Variants in RTTN observed in about 807,000 individuals in gnomAD.
RTTN encodes the protein rotatin.
In RTTN, 182 loss-of-function variants were observed where a neutral mutation model predicts 269.2. The ratio of observed to expected loss-of-function variants is 0.68; its 90% CI spans 0.60 to 0.76. The LOEUF (loss-of-function observed/expected upper bound fraction) is 0.76. Among genes scored for constraint, RTTN ranks in the 30% least tolerant of loss-of-function variants. The probability of loss-of-function intolerance (pLI) is 0.00; values close to 1 mark genes in which losing one functional copy is unlikely to be tolerated. For synonymous variants in RTTN, 1,006 were observed against 963.5 expected (o/e 1.04, Z -0.82); for missense variants, 2,545 against 2,608.6 (o/e 0.98, Z 0.53).
At chr18:70,104,050 G>C (rs1229506610) in intron 28 of RTTN, among the ~76,000 whole-genome samples, 1 of 152,110 alleles carries the variant, frequency 6.6e-6, no homozygotes, top group Non-Finnish European at 1.5e-5. Context: ...GCTAGGTTGG[G>C]GAAGTTCTCC....
chr18:70,085,772 A>G (rs1311546064), intron 32 of RTTN, among the ~76,000 whole-genome samples: 1 of 152,178 alleles, frequency 6.6e-6, no homozygotes, highest in Non-Finnish European at 1.5e-5. Context: ...GAGCTAACCA[A>G]TGAATACACA....
intron 47 of RTTN, chr18:70,005,635 T>A (rs2056161465): frequency 6.0e-6 from 1 of 167,780 alleles, no homozygotes; most frequent in African/African-American, 2.4e-5. Flanking sequence ...TAGCAGTTGG[T>A]CAACAAATAT....
At chr18:70,147,498 T>C (rs2060425277) in intron 17 of RTTN, among the ~76,000 whole-genome samples, 1 of 152,122 alleles carries the variant, frequency 6.6e-6, no homozygotes, top group Non-Finnish European at 1.5e-5. Context: ...TAACAAAGCA[T>C]TTCTCAGGAT....
At position 70,073,889 on chromosome 18, in the gene RTTN, G is replaced by A. The variant is rs773903408; in HGVS notation, c.4653+17C>T. ...CAGAGATTCAAAATAAAGGACTTATGCATTCTTTGCAAGTACCGTTGTTTC... is the reference window on the plus strand; with the variant it reads ...CAGAGATTCAAAATAAAGGACTTATACATTCTTTGCAAGTACCGTTGTTTC... On this transcript the variant is annotated intron_variant, in intron 34 of 48. Transcript: ENST00000640769. 6.4e-7 allele frequency: 1 copy of A among 1,571,502 alleles called. No homozygotes were observed. Among genetic ancestry groups the A allele is most frequent in the Non-Finnish European group, 8.8e-7 (1 of 1,142,230 alleles).
At chr18:70,093,333 A>T (rs913823387) in intron 28 of RTTN, among the ~76,000 whole-genome samples, 21 of 151,722 alleles carry the variant, frequency 1.4e-4, no homozygotes, top group South Asian at 2.1e-4. Context: ...TAATATTTTT[A>T]AAAATGTTAT....
intron 23 of RTTN, chr18:70,132,035 C>G (rs570740371): frequency 6.6e-6 from 1 of 151,674 alleles, no homozygotes; most frequent in South Asian, 2.1e-4. Flanking sequence ...CAAATAAAAG[C>G]TGGGGAAGCT....
chr18:70,005,564 C>T (rs1455426277), intron 47 of RTTN: 5 of 249,328 alleles, frequency 2.0e-5, no homozygotes, highest in Non-Finnish European at 2.3e-5. Flanking sequence ...ACTAGTCATC[C>T]TTGGTTTCAG....
At chr18:70,159,675 T>C (rs1354183514) in intron 14 of RTTN, among the ~76,000 whole-genome samples, 1 of 152,018 alleles carries the variant, frequency 6.6e-6, no homozygotes, top group Non-Finnish European at 1.5e-5. Context: ...AAGATTGATA[T>C]ATCATTAGCT....
In RTTN at chr18:70,054,190, A is replaced by C. The variant is rs763536542; in HGVS notation, c.5126T>G (p.Val1709Gly). Residue 1709 changes from valine (V) to glycine (G), a missense_variant, in exon 38 of 49, where the codon GTG becomes GGG. Physicochemically the swap from Val to Gly is moderately radical, Grantham distance 109. Transcript: ENST00000640769. The stretch of plus-strand genomic sequence containing the variant: ...AATGATATTGGTGATAAGAGGTTTC[A>C]CAAGCTCATCCTGAATCACAAGGTC... The part of the protein sequence containing the change: ...EPDLVIQDEL[V>G]KPLITNIIGI... The C allele has an allele frequency of 6.2e-7, 1 of 1,613,876 alleles. No homozygotes were observed. Among genetic ancestry groups the C allele is most frequent in the Non-Finnish European group, 8.5e-7 (1 of 1,179,788 alleles).
intron 8 of RTTN, among the ~76,000 whole-genome samples, chr18:70,191,041 A>G (rs1007633199): frequency 1.3e-5 from 2 of 152,282 alleles, no homozygotes; most frequent in Non-Finnish European, 2.9e-5. Flanking sequence ...TACAAAAAAA[A>G]AAATTCGCTG....
chr18:70,177,508 T>C lies in RTTN; in HGVS notation c.1306-663A>G, dbSNP rs2061331558. 2.0e-5 allele frequency among the ~76,000 whole-genome samples: 3 copies of C among 152,136 alleles called. No homozygotes were observed. The South Asian group carries it at 6.2e-4, about 32-fold the overall frequency. On this transcript the variant is annotated intron_variant, in intron 10 of 48. Coordinates refer to ENST00000640769, the MANE Select transcript of RTTN (RefSeq NM_173630.4). ...TACATTAAATATGAAGAAGAATCTATGCATAGTAGACTGTCTTGTAAGTCA... is the reference window on the plus strand; with the variant it reads ...TACATTAAATATGAAGAAGAATCTACGCATAGTAGACTGTCTTGTAAGTCA...
intron 11 of RTTN, among the ~76,000 whole-genome samples, chr18:70,174,625 A>G (rs1354102207): frequency 6.6e-6 from 1 of 152,006 alleles, no homozygotes; most frequent in Non-Finnish European, 1.5e-5. Context: ...AAATCATAGA[A>G]CATCTTGCTG....
chr18:70,194,390 G>A (rs982216282), intron 7 of RTTN: 2 of 152,192 alleles, frequency 1.3e-5, no homozygotes, highest in Non-Finnish European at 2.9e-5. Flanking sequence ...AAATAGTTTG[G>A]TGATTCTTCA....
Position 70,065,270 on chromosome 18 carries a change from T to TAAAAAAAAAAAAA in RTTN, c.4747+546_4747+558dup, listed in dbSNP as rs61422284. Among the ~76,000 whole-genome samples the TAAAAAAAAAAAAA allele has an allele frequency of 2.3e-5, 3 of 132,940 alleles. 1 individual carries two copies. Among genetic ancestry groups the TAAAAAAAAAAAAA allele is most frequent in the Non-Finnish European group, 4.7e-5 (3 of 63,596 alleles). 87.2% of individuals were successfully genotyped at this position (132,940 alleles called of 152,430 possible). On this transcript the variant is annotated intron_variant, in intron 35 of 48. Transcript: ENST00000640769. Reference sequence around the variant, plus strand: ...TAAGGCTTATATACTCTCTAGAATTTAAAAAAAAAAAAAAAAAGCAAAGTT... The same window carrying TAAAAAAAAAAAAA: ...TAAGGCTTATATACTCTCTAGAATTTAAAAAAAAAAAAAAAAAAAAAAAAAAAAAAGCAAAGTT...
chr18:70,052,106 T>C (rs866425413), intron 38 of RTTN, among the ~76,000 whole-genome samples: 7 of 152,214 alleles, frequency 4.6e-5, no homozygotes, highest in African/African-American at 9.6e-5. Context: ...GTAGCAATTC[T>C]AGGATGAGGA....
intron 32 of RTTN, among the ~76,000 whole-genome samples, chr18:70,083,125 G>T (rs2058614190): frequency 6.6e-6 from 1 of 152,108 alleles, no homozygotes; most frequent in Admixed American, 6.6e-5. Context: ...CAGGAACTGG[G>T]TTCTCATATC....
chr18:70,127,856 A>C, intron 24 of RTTN, 115 bp from the exon 25 acceptor site: 1 of 988,384 alleles, frequency 1.0e-6, no homozygotes, highest in African/African-American at 1.6e-5. Flanking sequence ...TTCTTTTAAC[A>C]AAAGGTTGAC....
chr18:70,068,089 T>A (rs913372149), intron 34 of RTTN, among the ~76,000 whole-genome samples: 2 of 152,240 alleles, frequency 1.3e-5, no homozygotes, highest in East Asian at 3.8e-4. Context: ...TATATTGCTA[T>A]TTTAATAACT....
At chr18:70,061,457 C>T (rs927548758) in intron 35 of RTTN, 63 of 455,584 alleles carry the variant, frequency 1.4e-4, no homozygotes, top group South Asian at 9.3e-5. Context: ...GTATACATTG[C>T]TATTTAGAGT....
Sources: allele counts gnomAD v4.1 joint callset (sites outside exome capture counted in the v4.1 genomes callset), GRCh38; gene constraint gnomAD v4.1.1; transcripts MANE v1.5; gene names NCBI Gene and HGNC (gene_info 2026-07-23, HGNC 2026-07-21).